Variants in RARB observed in about 807,000 individuals in gnomAD.
RARB encodes retinoic acid receptor beta.
A neutral mutation model predicts 51.9 loss-of-function variants in RARB; 17 were observed. The ratio of observed to expected loss-of-function variants is 0.33; its 90% CI spans 0.22 to 0.49. The LOEUF (loss-of-function observed/expected upper bound fraction) is 0.49. Among genes scored for constraint, RARB ranks in the 20% least tolerant of loss-of-function variants. The pLI, the probability that RARB is intolerant of heterozygous loss-of-function variation, is 0.99. For missense variants in RARB, 369 were observed against 550.8 expected (o/e 0.67, Z 3.30); for synonymous variants, 215 against 195.4 (o/e 1.10, Z -0.84).
At chr3:24,856,839 A>G (rs1702642792) in intron 1 of RARB, among the ~76,000 whole-genome samples, 2 of 152,214 alleles carry the variant, frequency 1.3e-5, no homozygotes, top group African/African-American at 4.8e-5. Flanking sequence ...CTGTATCTCG[A>G]AAAAGCAATT....
chr3:25,569,953 G>T (rs754013803), intron 4 of RARB, 35 bp downstream of exon 4: 1 of 1,597,022 alleles, frequency 6.3e-7, no homozygotes, highest in Non-Finnish European at 8.6e-7. Flanking sequence ...TGCTGGGAGT[G>T]TGGAAACCTT....
intron 5 of RARB, among the ~76,000 whole-genome samples, chr3:25,227,164 A>G (rs572748453): frequency 6.6e-6 from 1 of 152,308 alleles, no homozygotes; most frequent in South Asian, 2.1e-4. Context: ...CTCACTGAGG[A>G]GGTAAATATG....
At chr3:25,156,612 AAC>A (rs922304778) in intron 4 of RARB, among the ~76,000 whole-genome samples, 3 of 151,918 alleles carry the variant, frequency 2.0e-5, no homozygotes, top group Admixed American at 6.6e-5. Flanking sequence ...CAGAGAACAA[AAC>A]AGTTATTTTA....
chr3:25,406,275 T>C (rs1272440276), intron 5 of RARB, among the ~76,000 whole-genome samples: 3 of 152,142 alleles, frequency 2.0e-5, no homozygotes, highest in Non-Finnish European at 4.4e-5. Flanking sequence ...CTCCTGTATA[T>C]AGGAAGGGCA....
intron 2 of RARB, among the ~76,000 whole-genome samples, chr3:24,999,125 A>G (rs1338603508): frequency 6.6e-6 from 1 of 152,172 alleles, no homozygotes; most frequent in Non-Finnish European, 1.5e-5. Context: ...TCTGTTATAT[A>G]GATAAACAGG....
chr3:25,082,884 T>C (rs1408435530), intron 3 of RARB, among the ~76,000 whole-genome samples: 1 of 152,098 alleles, frequency 6.6e-6, no homozygotes, highest in Non-Finnish European at 1.5e-5. Context: ...CTTTTGTTAC[T>C]CTGAAAACTT....
intron 5 of RARB, among the ~76,000 whole-genome samples, chr3:25,393,099 C>T (rs182165439): frequency 9.9e-5 from 15 of 152,042 alleles, no homozygotes; most frequent in African/African-American, 2.7e-4. Flanking sequence ...CATCAAAAAA[C>T]GATGCTGGAT....
intron 2 of RARB, among the ~76,000 whole-genome samples, chr3:24,992,127 A>C (rs548577870): frequency 6.6e-6 from 1 of 152,222 alleles, no homozygotes; most frequent in African/African-American, 2.4e-5. Flanking sequence ...CGCAAACCTA[A>C]TGTGCATGCC....
chr3:24,948,525 A>C (rs977344403), intron 2 of RARB, among the ~76,000 whole-genome samples: 5 of 152,172 alleles, frequency 3.3e-5, no homozygotes, highest in Non-Finnish European at 7.4e-5. Flanking sequence ...ACTGAAAGAC[A>C]ATTGAAGAGG....
At chr3:25,342,950 G>C (rs1186821343) in intron 5 of RARB, among the ~76,000 whole-genome samples, 1 of 151,472 alleles carries the variant, frequency 6.6e-6, no homozygotes, top group Non-Finnish European at 1.5e-5. Context: ...CAGAGCTCAT[G>C]GTTTAAGAGG....
rs55848511 is a variant in RARB at position 24,966,606 on chromosome 3, A to ATCTCTCTCTCTC, written c.-379-93491_-379-93480dup. 2.6e-3 allele frequency among the ~76,000 whole-genome samples: 364 copies of ATCTCTCTCTCTC among 140,322 alleles called. 1 individual carries two copies. Among genetic ancestry groups the ATCTCTCTCTCTC allele is most frequent in the East Asian group, 0.014 (65 of 4,648 alleles). 92.1% of individuals were successfully genotyped at this position (140,322 alleles called of 152,430 possible). ...CTGTGTCTGACCTTGGTTTACATTC[A>ATCTCTCTCTCTC]TCTCTCTCTCTCTCTCTCTCTCTCT... On this transcript the variant is annotated intron_variant, in intron 2 of 11. Coordinates refer to the RARB transcript ENST00000383772.
At chr3:25,053,632 A>T (rs1210117897) in intron 2 of RARB, among the ~76,000 whole-genome samples, 2 of 152,218 alleles carry the variant, frequency 1.3e-5, no homozygotes, top group African/African-American at 2.4e-5. Flanking sequence ...TTGCAAACAA[A>T]TACAAAGAAC....
At chr3:25,503,135 T>G (rs1189065934) in intron 3 of RARB, among the ~76,000 whole-genome samples, 1 of 152,218 alleles carries the variant, frequency 6.6e-6, no homozygotes, top group Admixed American at 6.5e-5. Context: ...TCTCTCCAAA[T>G]TTTAGAGCCA....
At chr3:25,190,331 G>A (rs553512227) in intron 5 of RARB, among the ~76,000 whole-genome samples, 1 of 152,138 alleles carries the variant, frequency 6.6e-6, no homozygotes, top group East Asian at 1.9e-4. Context: ...AACACTCAAG[G>A]GAGAGTATGG....
intron 2 of RARB, among the ~76,000 whole-genome samples, chr3:24,993,901 AC>A (rs1696968018): frequency 2.0e-5 from 3 of 152,046 alleles, no homozygotes; most frequent in Admixed American, 6.5e-5. Flanking sequence ...TTATCCATTA[AC>A]CTGTTATTGG....
At chr3:25,366,890 A>G (rs563799432) in intron 5 of RARB, among the ~76,000 whole-genome samples, 2 of 152,150 alleles carry the variant, frequency 1.3e-5, no homozygotes, top group Non-Finnish European at 2.9e-5. Context: ...AGTGGTGAAC[A>G]TATTGTTAGG....
intron 5 of RARB, among the ~76,000 whole-genome samples, chr3:25,205,632 C>T (rs1454916548): frequency 6.6e-6 from 1 of 152,144 alleles, no homozygotes; most frequent in African/African-American, 2.4e-5. Flanking sequence ...CCCATTTACC[C>T]TGATGTAATT....
chr3:25,159,154 CTTTTTTTTTTTT>C lies in RARB; in HGVS notation c.-279-14950_-279-14939del, dbSNP rs397874262. On this transcript the variant is annotated intron_variant, in intron 4 of 11. Coordinates refer to the RARB transcript ENST00000383772. ...TCCCAAGAAAACTGTTCCAAATTGT[CTTTTTTTTTTTT>C]TTTTTTTTTTTTTTGAGATGGAGTT... Among the ~76,000 whole-genome samples the C allele has an allele frequency of 6.0e-3, 393 of 65,322 alleles. 8 individuals are homozygous for C. The highest frequency in any genetic ancestry group is 0.025 in the African/African-American group (369 of 14,886). The allele number at this position is 65,322 out of a possible 152,430, so 42.9% of individuals were successfully genotyped here. A position where few individuals can be genotyped will look rare whatever the true frequency, so the allele number is the denominator to read the frequency against.
intron 5 of RARB, among the ~76,000 whole-genome samples, chr3:25,383,438 T>C (rs2306623): frequency 0.67 from 101,429 of 152,068 alleles, 34,072 homozygotes; most frequent in East Asian, 0.84. Context: ...TTGATAGCCT[T>C]TGCTATCCTC....
Sources: allele counts gnomAD v4.1 joint callset (sites outside exome capture counted in the v4.1 genomes callset), GRCh38; gene constraint gnomAD v4.1.1; transcripts MANE v1.5; gene names NCBI Gene and HGNC (gene_info 2026-07-23, HGNC 2026-07-21).